The following TMEM143 variants were observed in gnomAD, a reference collection of about 807,000 sequenced individuals.
TMEM143 encodes transmembrane protein 143.
In TMEM143, 45 loss-of-function variants were observed where a neutral mutation model predicts 40.3. The ratio of observed to expected loss-of-function variants is 1.12; its 90% confidence interval spans 0.88 to 1.43. The LOEUF (loss-of-function observed/expected upper bound fraction) is 1.43. Ranked by LOEUF, TMEM143 falls within the 40% of genes most tolerant of loss-of-function variation. TMEM143 has a pLI of 0.00. For missense variants in TMEM143, 620 were observed against 613.4 expected, an observed-to-expected ratio of 1.01 and a Z score of -0.11; for synonymous variants, 299 against 282.7, an observed-to-expected ratio of 1.06 and a Z score of -0.58.
At chr19:48,358,580 CCT>C (rs1214458425) in intron 3 of TMEM143, among the ~76,000 whole-genome samples, 2 of 152,006 alleles carry the variant, frequency 1.3e-5, no homozygotes, top group Non-Finnish European at 2.9e-5. Flanking sequence ...CACCCCTACT[CCT>C]CTCTCTTCCT....
intron 3 of TMEM143, among the ~76,000 whole-genome samples, chr19:48,354,083 G>A (rs868482210): frequency 1.4e-5 from 2 of 142,832 alleles, no homozygotes; most frequent in Non-Finnish European, 3.1e-5. Flanking sequence ...CTCAGCCTCC[G>A]GAGTAGCTGG....
chr19:48,337,622 T>C (rs192219014), intron 6 of TMEM143, among the ~76,000 whole-genome samples: 2 of 151,808 alleles, frequency 1.3e-5, no homozygotes, highest in Non-Finnish European at 2.9e-5. Flanking sequence ...TCAGCTACTA[T>C]GGAACAGTCA....
At chr19:48,363,170 C>T (rs562065580) in intron 2 of TMEM143, 121 bp downstream of exon 2, 1 of 1,372,310 alleles carries the variant, frequency 7.3e-7, no homozygotes, top group East Asian at 2.5e-5. Flanking sequence ...CACGAAGGGA[C>T]CCGGGAACTA....
intron 6 of TMEM143, among the ~76,000 whole-genome samples, chr19:48,336,819 C>T (rs1445334039): frequency 1.3e-5 from 2 of 151,792 alleles, no homozygotes; most frequent in Admixed American, 6.6e-5. Flanking sequence ...AGATCGAGAC[C>T]ATCCTGGCTA....
At chr19:48,358,175 G>C (rs1438889807) in intron 3 of TMEM143, among the ~76,000 whole-genome samples, 1 of 152,010 alleles carries the variant, frequency 6.6e-6, no homozygotes, top group Non-Finnish European at 1.5e-5. Flanking sequence ...CACGAGGTCG[G>C]GAGTTTAAGA....
At chr19:48,356,276 C>T (rs897882678) in intron 3 of TMEM143, among the ~76,000 whole-genome samples, 6 of 150,842 alleles carry the variant, frequency 4.0e-5, no homozygotes, top group South Asian at 2.1e-4. Context: ...GGGATTACAG[C>T]GCCACTATGC....
Position 48,332,810 on chromosome 19 carries a change from G to A in TMEM143, c.*409C>T, listed in dbSNP as rs954765342. 1.3e-5 allele frequency: 2 copies of A among 157,116 alleles called. No homozygotes were observed. The highest frequency in any genetic ancestry group is 2.4e-5 in the African/African-American group (1 of 41,780). The allele number at this position is 157,116 out of a possible 1,614,324, so 9.7% of individuals were successfully genotyped here. ...GGTGCACATGATGGGCAGTTTGCCC[G>A]GAGCGGGCTGAAAAAGACAATGATA... On this transcript the variant is annotated 3_prime_UTR_variant, in exon 8 of 8. Transcript: ENST00000293261.
At chr19:48,359,042 G>A (rs1217958465) in intron 3 of TMEM143, among the ~76,000 whole-genome samples, 6 of 152,156 alleles carry the variant, frequency 3.9e-5, no homozygotes, top group South Asian at 2.1e-4. Context: ...GGTCGTGGAC[G>A]CCTGTGGTCC....
chr19:48,345,196 G>T lies in TMEM143; in HGVS notation c.528C>A (p.Tyr176Ter). 1.2e-6 allele frequency: 2 copies of T among 1,613,568 alleles called. No individual in the cohort carries two copies. The part of the protein sequence containing the change: ...FSPLSEDTLA[Y>*]ALVVHHPQDE... ...CCTGAGGGTGGTGGACCACCAGCGC[G>T]TAGGCCAGGGTGTCCTCAGACAGCG... The change falls in exon 4 of 8, where the codon TAC (tyrosine) becomes TAA (stop). Residue 176 changes from tyrosine to a stop codon, truncating the protein, a stop_gained. Coordinates refer to ENST00000293261, the MANE Select transcript of TMEM143 (RefSeq NM_018273.4). LOFTEE classifies it high-confidence loss of function.
At chr19:48,334,519 TTC>T (rs1354002099) in intron 6 of TMEM143, among the ~76,000 whole-genome samples, 3 of 149,362 alleles carry the variant, frequency 2.0e-5, no homozygotes, top group Non-Finnish European at 4.4e-5. Context: ...TTTTCTTTCT[TTC>T]TCTTTCTTTC....
At chr19:48,337,236 A>G (rs1969391029) in intron 6 of TMEM143, among the ~76,000 whole-genome samples, 1 of 151,874 alleles carries the variant, frequency 6.6e-6, no homozygotes, top group Non-Finnish European at 1.5e-5. Context: ...GGGTTCAGGA[A>G]GTCAATACAC....
Position 48,333,121 on chromosome 19 carries a change from T to C in TMEM143, c.*98A>G, listed in dbSNP as rs991142007. 54 of 944,932 alleles carry C rather than the reference T, an allele frequency of 5.7e-5. No homozygotes were observed. Among genetic ancestry groups the C allele is most frequent in the Non-Finnish European group, 7.7e-5 (53 of 685,658 alleles). The allele number at this position is 944,932 out of a possible 1,614,324, so 58.5% of individuals were successfully genotyped here. A position where few individuals can be genotyped will look rare whatever the true frequency, so the allele number is the denominator to read the frequency against. On this transcript the variant is annotated 3_prime_UTR_variant, in exon 8 of 8. Coordinates refer to ENST00000293261, the MANE Select transcript of TMEM143 (RefSeq NM_018273.4). The surrounding 1 kb of genome is among the most constrained non-coding windows in gnomAD (Gnocchi z 4.1). ...ATAATCACCTGTCAGTTATTGGAAG[T>C]TGGAGTGAAAAGTATAATAACCGTA...
rs1969275297 is a variant in TMEM143 at position 48,333,849 on chromosome 19, C to T, written c.1165+159G>A. Reference sequence around the variant, plus strand: ...GGGCTGTCACATCAGGCACCAAGATCGGAGTCTGGATTCGGAGGTCCTGTC... The same window carrying T: ...GGGCTGTCACATCAGGCACCAAGATTGGAGTCTGGATTCGGAGGTCCTGTC... On this transcript the variant is annotated intron_variant, in intron 7 of 7. Transcript: ENST00000293261. This position sits in a 1 kb window ranked among gnomAD's most constrained non-coding sequence, Gnocchi z 4.1. Among the ~76,000 whole-genome samples the T allele has an allele frequency of 6.6e-6, 1 of 152,144 alleles. No homozygotes were observed. The highest frequency in any genetic ancestry group is 1.5e-5 in the Non-Finnish European group (1 of 68,020).
intron 6 of TMEM143, among the ~76,000 whole-genome samples, chr19:48,334,440 TTCTTTCTTTCTTTC>T (rs1204275028): frequency 4.7e-5 from 2 of 42,870 alleles, no homozygotes; most frequent in African/African-American, 2.1e-4. Context: ...CTTTCTTTCT[TTCTTTCTTTCTTTC>T]TTTCTTTCTT....
At chr19:48,345,545 A>G (rs1044441542) in intron 3 of TMEM143, among the ~76,000 whole-genome samples, 191 bp from the exon 4 acceptor site, 5 of 151,442 alleles carry the variant, frequency 3.3e-5, no homozygotes, top group African/African-American at 1.2e-4. Context: ...TGCAACCTCC[A>G]CCTCCCGGGT....
rs777149187 is a variant in TMEM143, at chr19:48,333,230, T to C, written c.1369A>G (p.Asn457Asp). ...GAGGTAGGTTCTACTCAGGAGATGTTACTGCTGGGCGTGGCTTGCGGGGGC... is the reference window on the plus strand; with the variant it reads ...GAGGTAGGTTCTACTCAGGAGATGTCACTGCTGGGCGTGGCTTGCGGGGGC... ...SEPPQATPSS[N>D]IS Residue 457 changes from asparagine (N) to aspartate (D), a missense_variant, in exon 8 of 8, where the codon AAC becomes GAC. Physicochemically the swap from Asn to Asp is conservative, Grantham distance 23. Transcript: ENST00000293261. The surrounding 1 kb of genome is among the most constrained non-coding windows in gnomAD (Gnocchi z 4.1). 6.7e-7 allele frequency: 1 copy of C among 1,485,942 alleles called. No homozygotes were observed. The highest frequency in any genetic ancestry group is 9.1e-7 in the Non-Finnish European group (1 of 1,103,510). The allele number at this position is 1,485,942 out of a possible 1,614,324, so 92.0% of individuals were successfully genotyped here.
intron 3 of TMEM143, among the ~76,000 whole-genome samples, chr19:48,358,916 C>A (rs1407377868): frequency 6.6e-6 from 1 of 152,146 alleles, no homozygotes; most frequent in Admixed American, 6.5e-5. Context: ...CGCCTGTAAT[C>A]CCAACACTTT....
At chr19:48,340,370 CCG>C (rs914314994) in intron 6 of TMEM143, among the ~76,000 whole-genome samples, 2 of 151,888 alleles carry the variant, frequency 1.3e-5, no homozygotes, top group African/African-American at 4.8e-5. Context: ...CGTGATCCAC[CCG>C]CCTCGGCCTC....
intron 3 of TMEM143, among the ~76,000 whole-genome samples, chr19:48,351,389 T>C (rs893109175): frequency 6.6e-6 from 1 of 152,168 alleles, no homozygotes; most frequent in African/African-American, 2.4e-5. Context: ...CCCTCCTCCC[T>C]GGCCTGGGAG....
Sources: allele counts gnomAD v4.1 joint callset (sites outside exome capture counted in the v4.1 genomes callset), GRCh38; gene constraint gnomAD v4.1.1; non-coding constraint Gnocchi (gnomAD v3.1); transcripts MANE v1.5; gene names NCBI Gene and HGNC (gene_info 2026-07-23, HGNC 2026-07-21).